The following NHEJ1 variants were observed in gnomAD, a reference collection of about 807,000 sequenced individuals.
NHEJ1 encodes non-homologous end joining factor 1.
In NHEJ1, 22 loss-of-function variants were observed where a neutral mutation model predicts 39.4. That is an observed-to-expected ratio of 0.56 (90% confidence interval 0.40 to 0.80). The LOEUF (loss-of-function observed/expected upper bound fraction) is 0.80, where lower values mean the gene tolerates loss of function less well. NHEJ1 is among the 30% of genes least tolerant of loss of function. The pLI, the probability that NHEJ1 is intolerant of heterozygous loss-of-function variation, is 0.00. For synonymous variants in NHEJ1, 154 were observed against 135.6 expected (o/e 1.14, Z -0.94); for missense variants, 329 against 357.1 (o/e 0.92, Z 0.63).
intron 5 of NHEJ1, among the ~76,000 whole-genome samples, chr2:219,103,518 C>T (rs960388807): frequency 3.9e-5 from 6 of 152,110 alleles, no homozygotes; most frequent in African/African-American, 1.2e-4. Context: ...TCAAGTGATC[C>T]GTCCGCCTCG....
Position 219,149,524 on chromosome 2 carries a change from A to ATGGG in NHEJ1, c.391-1730_391-1729insCCCA, listed in dbSNP as rs1949775256. ...CCAGCTACTCGGGAGACTGAGGCAC[A>ATGGG]AGAATCGCTTGAATCCGGGAGGCAG... On this transcript the variant is annotated intron_variant, in intron 3 of 7. Transcript: ENST00000356853. Among the ~76,000 whole-genome samples the ATGGG allele has an allele frequency of 5.9e-5, 9 of 152,254 alleles. No homozygotes were observed. In the South Asian group the frequency reaches 1.2e-3, roughly 21 times the overall value.
chr2:219,152,628 T>C (rs1949806641), intron 3 of NHEJ1, among the ~76,000 whole-genome samples: 1 of 151,744 alleles, frequency 6.6e-6, no homozygotes, highest in Non-Finnish European at 1.5e-5. Flanking sequence ...CCACCTATTT[T>C]TTTTATTTTT....
intron 5 of NHEJ1, among the ~76,000 whole-genome samples, chr2:219,094,819 C>T (rs1293285980): frequency 1.3e-5 from 2 of 152,164 alleles, no homozygotes; most frequent in Admixed American, 1.3e-4. Flanking sequence ...CCCTACGCAA[C>T]AGAACAGCAC....
At chr2:219,153,064 A>G (rs1351478596) in intron 3 of NHEJ1, among the ~76,000 whole-genome samples, 1 of 152,096 alleles carries the variant, frequency 6.6e-6, no homozygotes, top group Admixed American at 6.5e-5. Context: ...CGGCCTCCCA[A>G]AGTGTTAGGA....
In NHEJ1 at chr2:219,074,382, G is replaced by A. The variant is rs1948992964; in HGVS notation, c.*1999C>T. On this transcript the variant is annotated 3_prime_UTR_variant, in exon 8 of 8. Coordinates refer to ENST00000356853, the MANE Select transcript of NHEJ1 (RefSeq NM_024782.3). The stretch of plus-strand genomic sequence containing the variant: ...CCGGTATTTTCTCCAAGCTTGCAGG[G>A]GAAGCCTTTCCATTTTCCATGTGCC... Among the ~76,000 whole-genome samples, 1 of 152,132 alleles carries A rather than the reference G, an allele frequency of 6.6e-6. No homozygotes were observed. Among genetic ancestry groups the A allele is most frequent in the Non-Finnish European group, 1.5e-5 (1 of 68,030 alleles).
chr2:219,104,156 C>T (rs1949292998), intron 5 of NHEJ1, among the ~76,000 whole-genome samples: 1 of 152,056 alleles, frequency 6.6e-6, no homozygotes, highest in Non-Finnish European at 1.5e-5. Context: ...TGCATGAATC[C>T]AGGAGCATCC....
At chr2:219,121,022 C>T (rs1949466239) in intron 5 of NHEJ1, among the ~76,000 whole-genome samples, 1 of 152,064 alleles carries the variant, frequency 6.6e-6, no homozygotes, top group Non-Finnish European at 1.5e-5. Flanking sequence ...CATGGTGAAA[C>T]CCCATGTCTA....
At chr2:219,135,034 C>T (rs1343782117) in intron 5 of NHEJ1, among the ~76,000 whole-genome samples, 5 of 23,700 alleles carry the variant, frequency 2.1e-4, no homozygotes, top group East Asian at 1.3e-3. Flanking sequence ...AGTGAAACTC[C>T]GTCTCAATTA....
intron 5 of NHEJ1, among the ~76,000 whole-genome samples, chr2:219,122,142 G>A (rs1949477217): frequency 1.3e-5 from 2 of 152,156 alleles, no homozygotes; most frequent in African/African-American, 2.4e-5. Context: ...CAGCAGCCAC[G>A]GCTGGTAAGT....
At chr2:219,115,777 T>C (rs570352117) in intron 5 of NHEJ1, among the ~76,000 whole-genome samples, 1 of 152,272 alleles carries the variant, frequency 6.6e-6, no homozygotes, top group South Asian at 2.1e-4. Flanking sequence ...CCCTACTCGT[T>C]TGCAATTATG....
chr2:219,086,626 G>A (rs1283437674), intron 5 of NHEJ1, among the ~76,000 whole-genome samples: 1 of 152,182 alleles, frequency 6.6e-6, no homozygotes, highest in African/African-American at 2.4e-5. Flanking sequence ...GGTATGGGAA[G>A]TCTCTAGACT....
intron 5 of NHEJ1, among the ~76,000 whole-genome samples, chr2:219,132,237 G>A (rs1400801769): frequency 6.6e-6 from 1 of 152,204 alleles, no homozygotes; most frequent in African/African-American, 2.4e-5. Context: ...TTACTCAGTA[G>A]ATAGCTAATC....
At chr2:219,136,583 G>A (rs750029441) in intron 5 of NHEJ1, among the ~76,000 whole-genome samples, 3 of 150,002 alleles carry the variant, frequency 2.0e-5, no homozygotes, top group Admixed American at 6.6e-5. Context: ...GCCACCACAC[G>A]TAGCCCCTAC....
At chr2:219,096,192 T>C (rs1358577939) in intron 5 of NHEJ1, among the ~76,000 whole-genome samples, 3 of 152,212 alleles carry the variant, frequency 2.0e-5, no homozygotes, top group Admixed American at 2.0e-4. Flanking sequence ...ATAAAGTTGA[T>C]AGAACTTTGC....
At chr2:219,082,073 C>CA (rs772421084) in intron 5 of NHEJ1, among the ~76,000 whole-genome samples, 1 of 152,224 alleles carries the variant, frequency 6.6e-6, no homozygotes, top group African/African-American at 2.4e-5. Context: ...ATTGATGGAA[C>CA]AATGAGGAAT....
chr2:219,109,630 A>C (rs1949345116), intron 5 of NHEJ1, among the ~76,000 whole-genome samples: 1 of 152,210 alleles, frequency 6.6e-6, no homozygotes, highest in African/African-American at 2.4e-5. Flanking sequence ...TGCGTGCTGG[A>C]GGCGGGCTGG....
At position 219,076,494 on chromosome 2, in the gene NHEJ1, A is replaced by G. The variant is rs746635891; in HGVS notation, c.826-39T>C. 2 of 1,586,828 alleles carry G rather than the reference A, an allele frequency of 1.3e-6. 1 individual carries two copies. The highest frequency in any genetic ancestry group is 2.2e-5 in the South Asian group (2 of 90,170). Reference sequence around the variant, plus strand: ...AACCCAAGTTAGTAGGGGTTTTGAAATAGTTCCACTGAAATTAGGAAAGGA... The same window carrying G: ...AACCCAAGTTAGTAGGGGTTTTGAAGTAGTTCCACTGAAATTAGGAAAGGA... On this transcript the variant is annotated intron_variant, in intron 7 of 7. Transcript: ENST00000356853.
chr2:219,071,523 C>T lies in NHEJ1; in HGVS notation c.*4858G>A, dbSNP rs1948956750. On this transcript the variant is annotated 3_prime_UTR_variant, in exon 8 of 8. Coordinates refer to ENST00000356853, the MANE Select transcript of NHEJ1 (RefSeq NM_024782.3). ...TGGGATGGGCTTCCCCTTCCAGCTGCCAATATGAAAAAGTAAATACAACAC... is the reference window on the plus strand; with the variant it reads ...TGGGATGGGCTTCCCCTTCCAGCTGTCAATATGAAAAAGTAAATACAACAC... Among the ~76,000 whole-genome samples, 1 of 152,122 alleles carries T rather than the reference C, an allele frequency of 6.6e-6. No individual in the cohort carries two copies. The highest frequency in any genetic ancestry group is 2.4e-5 in the African/African-American group (1 of 41,410).
intron 1 of NHEJ1, among the ~76,000 whole-genome samples, chr2:219,159,567 A>G (rs1949902300): frequency 1.4e-4 from 1 of 7,174 alleles, no homozygotes; most frequent in Non-Finnish European, 1.8e-3. Flanking sequence ...ATATATGCAT[A>G]TATATATGCA....
Sources: gnomAD v4.1 joint callset for allele counts (sites outside exome capture counted in the v4.1 genomes callset) on GRCh38, gnomAD v4.1.1 for gene constraint, MANE v1.5 for transcripts, NCBI Gene and HGNC (gene_info 2026-07-23, HGNC 2026-07-21) for gene names.